The following LHFPL4 variants were observed in gnomAD, a reference collection of about 807,000 sequenced individuals.
LHFPL4 encodes LHFPL tetraspan subfamily member 4 protein.
In LHFPL4, 6 loss-of-function variants were observed where a neutral mutation model predicts 20.0. That is an observed-to-expected ratio of 0.30 (90% CI 0.16 to 0.59). The LOEUF (loss-of-function observed/expected upper bound fraction) is 0.59, where lower values mean the gene tolerates loss of function less well. Ranked by LOEUF, LHFPL4 falls within the 20% of genes least tolerant of loss-of-function variation. The probability of loss-of-function intolerance (pLI) is 0.88; values close to 1 mark genes in which losing one functional copy is unlikely to be tolerated. For synonymous variants in LHFPL4, 129 were observed against 143.8 expected (o/e 0.90, Z 0.74); for missense variants, 215 against 331.2 (o/e 0.65, Z 2.72).
At chr3:9,523,190 G>A (rs146663798) in intron 2 of LHFPL4, among the ~76,000 whole-genome samples, 76 of 151,226 alleles carry the variant, frequency 5.0e-4, no homozygotes, top group Admixed American at 8.5e-4. Flanking sequence ...AGGCTGAGGC[G>A]GGTAGATCAC....
chr3:9,505,302 T>C (rs779072526), intron 3 of LHFPL4, among the ~76,000 whole-genome samples: 3 of 151,526 alleles, frequency 2.0e-5, no homozygotes, highest in Non-Finnish European at 4.4e-5. Context: ...AGGCTCTCAC[T>C]CTGTAGTCCA....
intron 2 of LHFPL4, among the ~76,000 whole-genome samples, chr3:9,534,677 G>A (rs1353040800): frequency 6.6e-6 from 1 of 152,134 alleles, no homozygotes; most frequent in African/African-American, 2.4e-5. Context: ...TAAAGTGGGT[G>A]GGGTTTGACT....
At chr3:9,503,338 C>A (rs914349100) in intron 3 of LHFPL4, among the ~76,000 whole-genome samples, 1 of 152,210 alleles carries the variant, frequency 6.6e-6, no homozygotes, top group Admixed American at 6.5e-5. Flanking sequence ...CCCCACACCC[C>A]TTCTTGAGAA....
chr3:9,549,336 C>A (rs1000520039), intron 2 of LHFPL4, among the ~76,000 whole-genome samples: 7 of 152,142 alleles, frequency 4.6e-5, no homozygotes, highest in African/African-American at 7.2e-5. Context: ...GAATAAATAT[C>A]TTTTTGTATT....
intron 2 of LHFPL4, among the ~76,000 whole-genome samples, chr3:9,537,925 C>T (rs2648408): frequency 0.043 from 6,503 of 152,182 alleles, 169 homozygotes; most frequent in Non-Finnish European, 0.059. Flanking sequence ...GGACCTTTCC[C>T]CTTGCACATC....
At chr3:9,539,190 C>T (rs965953507) in intron 2 of LHFPL4, among the ~76,000 whole-genome samples, 5 of 152,070 alleles carry the variant, frequency 3.3e-5, no homozygotes, top group Admixed American at 3.3e-4. Flanking sequence ...CATGGTGGCT[C>T]ACACCTGTAA....
At chr3:9,516,344 C>G (rs1164075834) in intron 2 of LHFPL4, among the ~76,000 whole-genome samples, 1 of 152,156 alleles carries the variant, frequency 6.6e-6, no homozygotes, top group Non-Finnish European at 1.5e-5. Context: ...GAGACCATCT[C>G]TTCCCCATTG....
At chr3:9,527,644 T>C (rs532283887) in intron 2 of LHFPL4, among the ~76,000 whole-genome samples, 7 of 151,918 alleles carry the variant, frequency 4.6e-5, no homozygotes, top group African/African-American at 1.7e-4. Flanking sequence ...AAGGCAGAGG[T>C]TGCAGTGAGC....
intron 2 of LHFPL4, among the ~76,000 whole-genome samples, chr3:9,528,173 T>C (rs1169666811): frequency 1.3e-5 from 2 of 152,258 alleles, no homozygotes; most frequent in African/African-American, 4.8e-5. Flanking sequence ...CACAAAAGTT[T>C]ACTCAGTAGC....
intron 2 of LHFPL4, among the ~76,000 whole-genome samples, chr3:9,523,255 G>A (rs1574845068): frequency 7.0e-6 from 1 of 143,378 alleles, no homozygotes; most frequent in East Asian, 2.2e-4. Context: ...GGTGGGCATG[G>A]CTGTAGTCCC....
rs1205804637 is a variant in LHFPL4 at position 9,507,386 on chromosome 3, TC to T, written c.407-1184del. On this transcript the variant is annotated intron_variant, in intron 2 of 3. Transcript: ENST00000287585. Reference sequence around the variant, plus strand: ...GATATGCCACACTGAGCAAGTTCCTTCATCTTTAAGCCTCAGTTTCTTCATC... The same window carrying T: ...GATATGCCACACTGAGCAAGTTCCTTATCTTTAAGCCTCAGTTTCTTCATC... Among the ~76,000 whole-genome samples the T allele has an allele frequency of 5.3e-5, 8 of 152,340 alleles. 1 individual carries two copies. Among genetic ancestry groups the T allele is most frequent in the Non-Finnish European group, 8.8e-5 (6 of 68,030 alleles).
chr3:9,498,556 C>T lies in LHFPL4; in HGVS notation c.*3655G>A, dbSNP rs2125652824. 6.5e-6 allele frequency: 1 copy of T among 152,784 alleles called. No individual in the cohort carries two copies. The highest frequency in any genetic ancestry group is 1.5e-5 in the Non-Finnish European group (1 of 68,068). The allele number at this position is 152,784 out of a possible 1,614,324, so 9.5% of individuals were successfully genotyped here. A position where few individuals can be genotyped will look rare whatever the true frequency, so the allele number is the denominator to read the frequency against. The stretch of plus-strand genomic sequence containing the variant: ...TATCCTAACAGCACACAGCACAGGC[C>T]CTCGGAGGCCTGCCCATCAGAGCTC... On this transcript the variant is annotated 3_prime_UTR_variant, in exon 4 of 4. Coordinates refer to ENST00000287585, the MANE Select transcript of LHFPL4 (RefSeq NM_198560.3).
chr3:9,528,376 A>G lies in LHFPL4; in HGVS notation c.407-22173T>C, dbSNP rs528608844. Among the ~76,000 whole-genome samples the G allele has an allele frequency of 6.6e-5, 10 of 152,292 alleles. No individual in the cohort carries two copies. The East Asian group carries it at 1.4e-3, about 21-fold the overall frequency. On this transcript the variant is annotated intron_variant, in intron 2 of 3. Transcript: ENST00000287585. Reference sequence around the variant, plus strand: ...TCAAGAAACCACTGTCTGCTCATCCATAAGAAGCAACTCCTCATCCATTCA... The same window carrying G: ...TCAAGAAACCACTGTCTGCTCATCCGTAAGAAGCAACTCCTCATCCATTCA...
intron 2 of LHFPL4, among the ~76,000 whole-genome samples, chr3:9,532,327 C>A (rs1337802216): frequency 6.6e-6 from 1 of 151,976 alleles, no homozygotes; most frequent in African/African-American, 2.4e-5. Flanking sequence ...CCGTGCCCGG[C>A]CTTGAGTTAT....
rs1401012683 is a variant in LHFPL4, at chr3:9,500,515, G to C, written c.*1696C>G. ...AACATCTGATTCCGGCTAGGGTCCA[G>C]AGTGGGGAGACAGGCAGGGGACTTC... is the stretch of plus-strand genomic sequence containing the variant. On this transcript the variant is annotated 3_prime_UTR_variant, in exon 4 of 4. Transcript: ENST00000287585. 1 of 152,380 alleles carries C rather than the reference G, an allele frequency of 6.6e-6. No individual in the cohort carries two copies. Among genetic ancestry groups the C allele is most frequent in the Non-Finnish European group, 1.5e-5 (1 of 68,134 alleles). The allele number at this position is 152,380 out of a possible 1,614,324, so 9.4% of individuals were successfully genotyped here. A position where few individuals can be genotyped will look rare whatever the true frequency, so the allele number is the denominator to read the frequency against.
intron 2 of LHFPL4, among the ~76,000 whole-genome samples, chr3:9,517,575 G>A (rs2046311438): frequency 6.6e-6 from 1 of 150,642 alleles, no homozygotes; most frequent in Non-Finnish European, 1.5e-5. Context: ...GTGGTGGCAT[G>A]TTCCCAGCTA....
intron 2 of LHFPL4, among the ~76,000 whole-genome samples, chr3:9,542,768 C>T (rs559512370): frequency 1.4e-5 from 2 of 144,998 alleles, no homozygotes; most frequent in East Asian, 2.0e-4. Context: ...GATTGCAACA[C>T]TGTACTCCAG....
At chr3:9,517,150 C>T (rs2046308498) in intron 2 of LHFPL4, among the ~76,000 whole-genome samples, 1 of 152,044 alleles carries the variant, frequency 6.6e-6, no homozygotes, top group Non-Finnish European at 1.5e-5. Flanking sequence ...AGTATCAATC[C>T]TCTGATTTTG....
chr3:9,543,557 A>T (rs1311083050), intron 2 of LHFPL4, among the ~76,000 whole-genome samples: 1 of 151,854 alleles, frequency 6.6e-6, no homozygotes, highest in South Asian at 2.1e-4. Flanking sequence ...CCTTAGGATG[A>T]CTGTAGCCCC....
Sources: allele counts gnomAD v4.1 joint callset (sites outside exome capture counted in the v4.1 genomes callset), GRCh38; gene constraint gnomAD v4.1.1; transcripts MANE v1.5; gene names NCBI Gene and HGNC (gene_info 2026-07-23, HGNC 2026-07-21).